Variants in PLCB1 observed in about 807,000 individuals in gnomAD.
PLCB1 encodes the protein 1-phosphatidylinositol 4,5-bisphosphate phosphodiesterase beta-1.
Under a neutral mutation model 161.8 loss-of-function variants are expected in PLCB1, and 46 were observed. That is an observed-to-expected ratio of 0.28 (90% CI 0.22 to 0.36). The LOEUF is 0.36. Among genes scored for constraint, PLCB1 ranks in the 10% least tolerant of loss-of-function variants. The probability of loss-of-function intolerance (pLI) is 1.00; values close to 1 mark genes in which losing one functional copy is unlikely to be tolerated. For synonymous variants in PLCB1, 517 were observed against 503.7 expected, an observed-to-expected ratio of 1.03 and a Z score of -0.35; for missense variants, 1,016 against 1,472.5, an observed-to-expected ratio of 0.69 and a Z score of 5.07.
chr20:8,745,619 T>C (rs1981130796), intron 23 of PLCB1, among the ~76,000 whole-genome samples: 1 of 151,864 alleles, frequency 6.6e-6, no homozygotes, highest in African/African-American at 2.4e-5. Flanking sequence ...ATTATGTGTA[T>C]AATATATGTA....
In PLCB1 at chr20:8,733,451, C is replaced by T. The variant is rs1980378709; in HGVS notation, c.2043+59C>T. On this transcript the variant is annotated intron_variant, in intron 19 of 31. Coordinates refer to ENST00000338037, the MANE Select transcript of PLCB1 (RefSeq NM_015192.4). The stretch of plus-strand genomic sequence containing the variant: ...AATAGTGTTGAATTTATCTACATTG[C>T]ATAAAGAAGTGGCTTAGTCATTAAA... The T allele has an allele frequency of 3.5e-6, 5 of 1,422,380 alleles. No homozygotes were observed. In the Admixed American group the frequency reaches 8.7e-5, roughly 25 times the overall value. 88.1% of individuals were successfully genotyped at this position (1,422,380 alleles called of 1,614,324 possible).
intron 11 of PLCB1, among the ~76,000 whole-genome samples, chr20:8,700,121 C>G (rs183695098): frequency 8.1e-4 from 124 of 152,246 alleles, no homozygotes; most frequent in Non-Finnish European, 2.4e-4. Context: ...AGCTTGGGCT[C>G]ATCTGTCTGT....
rs143069500 is a variant in PLCB1 at position 8,721,909 on chromosome 20, C to T, written c.1514-445C>T. On this transcript the variant is annotated intron_variant, in intron 14 of 31. Coordinates refer to ENST00000338037, the MANE Select transcript of PLCB1 (RefSeq NM_015192.4). ...CTGGCCACGCATTGCATGGAAGAGT[C>T]GCGGCTTGGGAAAGGAGGGAAAGAT... Among the ~76,000 whole-genome samples, 86 of 143,448 alleles carry T rather than the reference C, an allele frequency of 6.0e-4. 1 individual carries two copies. The highest frequency in any genetic ancestry group is 2.0e-3 in the African/African-American group (74 of 37,884). 94.1% of individuals were successfully genotyped at this position (143,448 alleles called of 152,430 possible).
At chr20:8,500,190 A>C (rs949545456) in intron 3 of PLCB1, among the ~76,000 whole-genome samples, 1 of 152,236 alleles carries the variant, frequency 6.6e-6, no homozygotes, top group Non-Finnish European at 1.5e-5. Flanking sequence ...AAATCAGTCC[A>C]TGAGGTAAAA....
At position 8,471,799 on chromosome 20, in the gene PLCB1, G is replaced by A. The variant is rs76831115; in HGVS notation, c.246+100349G>A. On this transcript the variant is annotated intron_variant, in intron 3 of 31. Transcript: ENST00000338037. ...CCTCCTTTTCCTGTGTTTTAGCTGGGTAAGTTTCTCTCTTTTCAAGAACAG... is the reference window on the plus strand; with the variant it reads ...CCTCCTTTTCCTGTGTTTTAGCTGGATAAGTTTCTCTCTTTTCAAGAACAG... Among the ~76,000 whole-genome samples the A allele has an allele frequency of 4.7e-3, 714 of 152,124 alleles. 8 individuals carry two copies. Among genetic ancestry groups the A allele is most frequent in the African/African-American group, 0.017 (691 of 41,522 alleles).
intron 2 of PLCB1, among the ~76,000 whole-genome samples, chr20:8,276,449 A>T (rs1477729416): frequency 6.6e-6 from 1 of 152,192 alleles, no homozygotes; most frequent in African/African-American, 2.4e-5. Context: ...TAAATGTGCA[A>T]TTATATAGAA....
intron 3 of PLCB1, among the ~76,000 whole-genome samples, chr20:8,407,426 T>G (rs1978832423): frequency 6.6e-6 from 1 of 151,692 alleles, no homozygotes; most frequent in African/African-American, 2.4e-5. Context: ...CAAAAAGAGG[T>G]TTAATTGGAC....
chr20:8,809,750 T>C (rs1174737985), intron 31 of PLCB1, among the ~76,000 whole-genome samples: 2 of 152,226 alleles, frequency 1.3e-5, no homozygotes, highest in African/African-American at 4.8e-5. Flanking sequence ...AGCTTTTTTT[T>C]CTGTTTCCTC....
At chr20:8,648,805 G>A (rs527567548) in intron 6 of PLCB1, among the ~76,000 whole-genome samples, 51 of 152,158 alleles carry the variant, frequency 3.4e-4, no homozygotes, top group African/African-American at 1.1e-3. Flanking sequence ...GCCAGGTGTG[G>A]TGGCACATGC....
intron 2 of PLCB1, among the ~76,000 whole-genome samples, chr20:8,259,258 A>C (rs1323893564): frequency 3.9e-5 from 6 of 152,146 alleles, no homozygotes. Flanking sequence ...AAAATGGTAA[A>C]ATAATCACTT....
At chr20:8,195,827 T>G (rs1321511456) in intron 2 of PLCB1, among the ~76,000 whole-genome samples, 2 of 152,102 alleles carry the variant, frequency 1.3e-5, no homozygotes, top group Middle Eastern at 3.2e-3. Flanking sequence ...TGTTTTCTCA[T>G]GATTATATTG....
intron 2 of PLCB1, among the ~76,000 whole-genome samples, chr20:8,224,297 G>C (rs1192587767): frequency 6.6e-6 from 1 of 152,110 alleles, no homozygotes; most frequent in African/African-American, 2.4e-5. Context: ...ATCTTTAAGG[G>C]TGGATTAGAG....
At chr20:8,348,019 G>A (rs141216795) in intron 2 of PLCB1, among the ~76,000 whole-genome samples, 423 of 152,274 alleles carry the variant, frequency 2.8e-3, no homozygotes, top group African/African-American at 9.3e-3. Flanking sequence ...AAGAAACCAG[G>A]TAGTAAGATG....
intron 2 of PLCB1, among the ~76,000 whole-genome samples, chr20:8,304,058 C>G (rs766584915): frequency 6.6e-6 from 1 of 152,182 alleles, no homozygotes; most frequent in African/African-American, 2.4e-5. Context: ...TATGACAGCT[C>G]TCTGTCTGTA....
intron 4 of PLCB1, among the ~76,000 whole-genome samples, chr20:8,634,556 T>C (rs1487966827): frequency 6.6e-6 from 1 of 152,154 alleles, no homozygotes; most frequent in Admixed American, 6.5e-5. Context: ...CCTTGACAGG[T>C]CTCATGGATA....
At chr20:8,782,915 AATTTCTGTCCACAT>A (rs67884850) in intron 27 of PLCB1, among the ~76,000 whole-genome samples, 7,073 of 152,264 alleles carry the variant, frequency 0.046, 353 homozygotes, top group African/African-American at 0.13. Context: ...CAAACATACA[AATTTCTGTCCACAT>A]ATTTTTTATC....
At chr20:8,552,476 T>G (rs1985808558) in intron 3 of PLCB1, among the ~76,000 whole-genome samples, 1 of 152,172 alleles carries the variant, frequency 6.6e-6, no homozygotes, top group African/African-American at 2.4e-5. Flanking sequence ...TACTTGATGA[T>G]GAACTTCTGG....
chr20:8,659,652 T>C (rs1989567660), intron 9 of PLCB1, among the ~76,000 whole-genome samples: 1 of 152,114 alleles, frequency 6.6e-6, no homozygotes, highest in Non-Finnish European at 1.5e-5. Context: ...TTTAATCCAT[T>C]GTGTTTAATC....
intron 27 of PLCB1, among the ~76,000 whole-genome samples, chr20:8,777,878 G>A (rs973267599): frequency 1.3e-5 from 2 of 152,152 alleles, no homozygotes; most frequent in Admixed American, 6.5e-5. Context: ...GACAAGTCAT[G>A]TCTTACATGG....
Sources: gnomAD v4.1 joint callset for allele counts (sites outside exome capture counted in the v4.1 genomes callset) on GRCh38, gnomAD v4.1.1 for gene constraint, MANE v1.5 for transcripts, NCBI Gene and HGNC (gene_info 2026-07-23, HGNC 2026-07-21) for gene names.